Variants in PPP2R5B observed in about 807,000 individuals in gnomAD.
PPP2R5B encodes the protein serine/threonine-protein phosphatase 2A 56 kDa regulatory subunit beta isoform.
Under a neutral mutation model 59.9 loss-of-function variants are expected in PPP2R5B, and 19 were observed. The observed-to-expected ratio is 0.32, with a 90% CI of 0.22 to 0.47. The LOEUF (loss-of-function observed/expected upper bound fraction) is 0.47. PPP2R5B is among the 20% of genes least tolerant of loss of function. PPP2R5B has a pLI of 1.00. For missense variants in PPP2R5B, 441 were observed against 640.2 expected (o/e 0.69, Z 3.36); for synonymous variants, 286 against 260.5 (o/e 1.10, Z -0.94).
chr11:64,933,086 G>A, intron 12 of PPP2R5B, 59 bp from the exon 13 acceptor site: 2 of 1,519,842 alleles, frequency 1.3e-6, no homozygotes, highest in South Asian at 1.1e-5. Flanking sequence ...GGCAGGGAAA[G>A]GGAGAGGTGG....
intron 1 of PPP2R5B, among the ~76,000 whole-genome samples, chr11:64,918,545 G>T (rs1244422961): frequency 6.6e-6 from 1 of 152,100 alleles, no homozygotes; most frequent in African/African-American, 2.4e-5. Flanking sequence ...TGGGCAGGCT[G>T]GTCTCGAACT....
chr11:64,928,260 G>A, intron 5 of PPP2R5B, 35 bp from the exon 6 acceptor site: 1 of 1,599,516 alleles, frequency 6.3e-7, no homozygotes, highest in South Asian at 1.1e-5. Context: ...CCTTTCCCCT[G>A]ACCCTGACCC....
intron 3 of PPP2R5B, among the ~76,000 whole-genome samples, 177 bp downstream of exon 3, chr11:64,927,085 G>A (rs1035227228): frequency 3.9e-5 from 6 of 152,166 alleles, no homozygotes; most frequent in African/African-American, 1.4e-4. Flanking sequence ...CTCCGGGCCT[G>A]CCCCACGTCC....
intron 2 of PPP2R5B, among the ~76,000 whole-genome samples, chr11:64,926,452 G>T (rs1945164854): frequency 6.6e-6 from 1 of 152,266 alleles, no homozygotes; most frequent in Admixed American, 6.5e-5. Flanking sequence ...GCTGCATCCA[G>T]GATTTGTGAT....
At chr11:64,932,193 C>T (rs892947935) in intron 11 of PPP2R5B, among the ~76,000 whole-genome samples, 1 of 152,166 alleles carries the variant, frequency 6.6e-6, no homozygotes, top group Non-Finnish European at 1.5e-5. Context: ...GAAGTGTGAT[C>T]CAGAATGTGA....
upstream of PPP2R5B, among the ~76,000 whole-genome samples, chr11:64,923,794 G>A (rs1452185873): frequency 6.6e-6 from 1 of 152,176 alleles, no homozygotes; most frequent in African/African-American, 2.4e-5. Flanking sequence ...TTTCAGGGTG[G>A]AGATTTCACA....
Position 64,931,842 on chromosome 11 carries a change from C to T in PPP2R5B, c.1090C>T (p.Arg364Cys), listed in dbSNP as rs138534603. 104 of 1,613,994 alleles carry T rather than the reference C, an allele frequency of 6.4e-5. No homozygotes were observed. Among genetic ancestry groups the T allele is most frequent in the Non-Finnish European group, 8.4e-5 (99 of 1,180,026 alleles). ...IQEPLFKQVA[R>C]CVSSPHFQVA... ...GGAGCCCCTTTTTAAGCAGGTGGCT[C>T]GCTGTGTTTCCAGCCCCCATTTCCA... The change falls in exon 11 of 14, where the codon CGC becomes TGC. Residue 364 changes from arginine (R) to cysteine (C), a missense_variant. By Grantham distance (180) the Arg-to-Cys change is radical. This residue lies in a region of PPP2R5B where 268 missense variants were observed against 488.1 expected (regional missense o/e 0.55). Coordinates refer to ENST00000164133, the MANE Select transcript of PPP2R5B (RefSeq NM_006244.4). This position sits in a 1 kb window ranked among gnomAD's most constrained non-coding sequence, Gnocchi z 5.0.
intron 12 of PPP2R5B, 103 bp downstream of exon 12, chr11:64,932,995 C>T (rs942358991): frequency 1.3e-6 from 2 of 1,546,784 alleles, no homozygotes; most frequent in Middle Eastern, 1.8e-4. Context: ...TCAGAGAAAG[C>T]ATCAAAAGAT....
chr11:64,920,469 G>A (rs1453812831), upstream of PPP2R5B, among the ~76,000 whole-genome samples: 1 of 152,152 alleles, frequency 6.6e-6, no homozygotes, highest in Non-Finnish European at 1.5e-5. Flanking sequence ...CAACTCCAGA[G>A]ACAGTCATTC....
upstream of PPP2R5B, among the ~76,000 whole-genome samples, chr11:64,921,632 G>T (rs187062777): frequency 5.8e-4 from 88 of 152,294 alleles, 1 homozygote; most frequent in African/African-American, 2.0e-3. Context: ...TTTCATGGAG[G>T]AAGAGAGGCC....
Position 64,934,059 on chromosome 11 carries a change from A to G in PPP2R5B, c.*215A>G, listed in dbSNP as rs968933118. On this transcript the variant is annotated 3_prime_UTR_variant, in exon 14 of 14. Coordinates refer to ENST00000164133, the MANE Select transcript of PPP2R5B (RefSeq NM_006244.4). ...GCTCAGCCCCTCGTGGCAGGACTTG[A>G]CAAGGGCAAGCTTGACCAGGAAGCT... The G allele has an allele frequency of 3.8e-6, 2 of 526,140 alleles. No individual in the cohort carries two copies. The highest frequency in any genetic ancestry group is 2.0e-5 in the African/African-American group (1 of 50,886). 32.6% of individuals were successfully genotyped at this position (526,140 alleles called of 1,614,324 possible).
intron 1 of PPP2R5B, among the ~76,000 whole-genome samples, chr11:64,918,070 A>G (rs1945059003): frequency 6.6e-6 from 1 of 152,266 alleles, no homozygotes; most frequent in Non-Finnish European, 1.5e-5. Context: ...AATCAAAAGA[A>G]GAATGAACTT....
In PPP2R5B at chr11:64,925,785, C is replaced by T. The variant is rs376524488; in HGVS notation, c.51C>T (p.Pro17=). Residue 17 remains proline, a synonymous_variant, in exon 2 of 14, where the codon CCC becomes CCT. Coordinates refer to ENST00000164133, the MANE Select transcript of PPP2R5B (RefSeq NM_006244.4). The surrounding 1 kb of genome is among the most constrained non-coding windows in gnomAD (Gnocchi z 4.6). ...GCACCCCCACTAGCCCCTCCTCCCCCGGGCTGTCGCCTGTGCCCCCACCCG... is the reference window on the plus strand; with the variant it reads ...GCACCCCCACTAGCCCCTCCTCCCCTGGGCTGTCGCCTGTGCCCCCACCCG... ...PASTPTSPSS[P]GLSPVPPPDK... The T allele has an allele frequency of 3.9e-5, 62 of 1,588,612 alleles. No homozygotes were observed. The African/African-American group carries it at 4.3e-4, about 11-fold the overall frequency.
At chr11:64,926,961 C>G (rs1945171640) in intron 3 of PPP2R5B, 53 bp downstream of exon 3, 2 of 1,578,750 alleles carry the variant, frequency 1.3e-6, no homozygotes, top group South Asian at 2.3e-5. Flanking sequence ...CGTGTGAGCC[C>G]CGTTTCCTGT....
chr11:64,920,873 C>T (rs1945103219), upstream of PPP2R5B, among the ~76,000 whole-genome samples: 1 of 151,170 alleles, frequency 6.6e-6, no homozygotes, highest in African/African-American at 2.4e-5. Context: ...CATGATCTGC[C>T]CGCCTCGGCC....
At position 64,925,595 on chromosome 11, in the gene PPP2R5B, G is replaced by C. The variant is rs1017989246; in HGVS notation, c.-140G>C. ...GCAGTTGCAGGAGGCCCTGGGGGGG[G>C]GCCCAGGACTGTGGTTGTGCCCCCC... On this transcript the variant is annotated 5_prime_UTR_variant, in exon 2 of 14. Coordinates refer to ENST00000164133, the MANE Select transcript of PPP2R5B (RefSeq NM_006244.4). The surrounding 1 kb of genome is among the most constrained non-coding windows in gnomAD (Gnocchi z 4.6). The C allele has an allele frequency of 8.8e-6, 5 of 570,474 alleles. No homozygotes were observed. The highest frequency in any genetic ancestry group is 3.2e-5 in the East Asian group (1 of 31,672). 35.3% of individuals were successfully genotyped at this position (570,474 alleles called of 1,614,324 possible).
intron 12 of PPP2R5B, 28 bp from the exon 13 acceptor site, chr11:64,933,117 C>T (rs903040477): frequency 6.4e-7 from 1 of 1,572,598 alleles, no homozygotes; most frequent in African/African-American, 1.4e-5. Context: ...GCTGTTTCAT[C>T]TCCTCATCCC....
chr11:64,931,297 A>C lies in PPP2R5B; in HGVS notation c.892-139A>C. On this transcript the variant is annotated intron_variant, in intron 8 of 13. Coordinates refer to ENST00000164133, the MANE Select transcript of PPP2R5B (RefSeq NM_006244.4). This position sits in a 1 kb window ranked among gnomAD's most constrained non-coding sequence, Gnocchi z 5.0. Reference sequence around the variant, plus strand: ...ATGTGATGCCTGGTACATCCTAGGCAGGTGATAAATGCTTGGTGAATAAGA... The same window carrying C: ...ATGTGATGCCTGGTACATCCTAGGCCGGTGATAAATGCTTGGTGAATAAGA... The C allele has an allele frequency of 1.1e-6, 1 of 881,602 alleles. No homozygotes were observed. The highest frequency in any genetic ancestry group is 1.8e-6 in the Non-Finnish European group (1 of 551,432). The allele number at this position is 881,602 out of a possible 1,614,324, so 54.6% of individuals were successfully genotyped here. A position where few individuals can be genotyped will look rare whatever the true frequency, so the allele number is the denominator to read the frequency against.
At chr11:64,922,798 C>G (rs113655380), upstream of PPP2R5B, among the ~76,000 whole-genome samples, 634 of 151,614 alleles carry the variant, frequency 4.2e-3, 7 homozygotes, top group African/African-American at 0.014. Flanking sequence ...TGGTGTGAAC[C>G]CAGGAGGCGG....
Sources: gnomAD v4.1 joint callset for allele counts (sites outside exome capture counted in the v4.1 genomes callset) on GRCh38, gnomAD v4.1.1 for gene constraint, gnomAD v4.1.1 regional missense constraint, Gnocchi (gnomAD v3.1) non-coding constraint, MANE v1.5 for transcripts, NCBI Gene and HGNC (gene_info 2026-07-23, HGNC 2026-07-21) for gene names.